LRRTM4: variants seen among roughly 807,000 people sequenced by gnomAD.
The protein encoded by LRRTM4 is leucine rich repeat transmembrane neuronal 4.
LRRTM4 carries 25 observed loss-of-function variants against 47.6 expected under a neutral mutation model. The ratio of observed to expected loss-of-function variants is 0.53; its 90% confidence interval spans 0.38 to 0.73. LRRTM4 has a LOEUF of 0.73. LRRTM4 is among the 30% of genes least tolerant of loss of function. The pLI, the probability that LRRTM4 is intolerant of heterozygous loss-of-function variation, is 0.00. For missense variants in LRRTM4, 638 were observed against 713.4 expected, an observed-to-expected ratio of 0.89 and a Z score of 1.20; for synonymous variants, 311 against 269.5, an observed-to-expected ratio of 1.15 and a Z score of -1.51.
At chr2:77,098,542 T>C (rs973549370) in intron 3 of LRRTM4, among the ~76,000 whole-genome samples, 4 of 152,022 alleles carry the variant, frequency 2.6e-5, no homozygotes, top group African/African-American at 9.7e-5. Flanking sequence ...AACTTTAAAA[T>C]TGGTAGGAAT....
rs1444105144 is a variant in LRRTM4 at position 76,771,658 on chromosome 2, GAA to G, written c.1552-22744_1552-22743del. ...GGTGAACAGAAAAAAAAAAAAAAAAGAAAAAGAAAAGAAGAACATCAGTTTAA... is the reference window on the plus strand; with the variant it reads ...GGTGAACAGAAAAAAAAAAAAAAAAGAAAGAAAAGAAGAACATCAGTTTAA... On this transcript the variant is annotated intron_variant, in intron 3 of 3. Transcript: ENST00000409884. Among the ~76,000 whole-genome samples, 30 of 67,558 alleles carry G rather than the reference GAA, an allele frequency of 4.4e-4. No homozygotes were observed. The East Asian group carries it at 0.019, about 43-fold the overall frequency. 44.3% of individuals were successfully genotyped at this position (67,558 alleles called of 152,430 possible).
At chr2:76,823,461 C>A (rs146424734) in intron 3 of LRRTM4, among the ~76,000 whole-genome samples, 1 of 151,290 alleles carries the variant, frequency 6.6e-6, no homozygotes, top group African/African-American at 2.4e-5. Flanking sequence ...TCTGAGTATA[C>A]AAGCAAAATT....
intron 3 of LRRTM4, among the ~76,000 whole-genome samples, chr2:77,416,335 T>C (rs1674633549): frequency 6.6e-6 from 1 of 152,088 alleles, no homozygotes; most frequent in Non-Finnish European, 1.5e-5. Flanking sequence ...TATTACACTT[T>C]GGGACATTTT....
intron 3 of LRRTM4, among the ~76,000 whole-genome samples, chr2:77,305,319 G>A (rs1677243220): frequency 6.6e-6 from 1 of 151,782 alleles, no homozygotes; most frequent in African/African-American, 2.4e-5. Context: ...AAATTAAATT[G>A]CAAATTGTTT....
chr2:77,054,601 GATT>G (rs1265462875), intron 3 of LRRTM4, among the ~76,000 whole-genome samples: 1 of 152,104 alleles, frequency 6.6e-6, no homozygotes, highest in African/African-American at 2.4e-5. Context: ...TCCCAAACTA[GATT>G]ATTTCTCATT....
chr2:77,048,352 G>C (rs549541519), intron 3 of LRRTM4, among the ~76,000 whole-genome samples: 1 of 152,120 alleles, frequency 6.6e-6, no homozygotes, highest in Non-Finnish European at 1.5e-5. Flanking sequence ...GTGTTATAAT[G>C]AAGTTTTAGC....
At chr2:77,045,644 C>G (rs1679208961) in intron 3 of LRRTM4, among the ~76,000 whole-genome samples, 2 of 151,934 alleles carry the variant, frequency 1.3e-5, no homozygotes, top group African/African-American at 2.4e-5. Context: ...TTTTCCTGCA[C>G]AAGCTCTCTC....
At chr2:77,063,877 T>C (rs77393486) in intron 3 of LRRTM4, among the ~76,000 whole-genome samples, 2,150 of 152,218 alleles carry the variant, frequency 0.014, 53 homozygotes, top group African/African-American at 0.049. Context: ...TTCTTGGACA[T>C]TGAGAATATT....
intron 3 of LRRTM4, among the ~76,000 whole-genome samples, chr2:77,066,167 G>A (rs957123914): frequency 5.3e-5 from 8 of 152,130 alleles, no homozygotes; most frequent in African/African-American, 1.9e-4. Context: ...CAGATACTGA[G>A]TTAGATTGCT....
intron 3 of LRRTM4, among the ~76,000 whole-genome samples, chr2:77,257,627 G>C (rs927848572): frequency 2.6e-5 from 4 of 151,808 alleles, no homozygotes; most frequent in African/African-American, 9.7e-5. Flanking sequence ...CTTGACAAGA[G>C]CAGGAAAAGA....
intron 3 of LRRTM4, among the ~76,000 whole-genome samples, chr2:77,289,345 G>A (rs1484940604): frequency 1.3e-5 from 2 of 151,960 alleles, no homozygotes; most frequent in African/African-American, 2.4e-5. Context: ...TTCTAAATCT[G>A]AGAGTACAGA....
intron 3 of LRRTM4, among the ~76,000 whole-genome samples, chr2:77,114,227 T>C (rs972833507): frequency 2.0e-5 from 3 of 152,164 alleles, no homozygotes; most frequent in South Asian, 4.1e-4. Flanking sequence ...CATAATTCCC[T>C]GTAGGGACCA....
intron 3 of LRRTM4, among the ~76,000 whole-genome samples, chr2:77,225,302 A>G (rs1674773078): frequency 7.2e-6 from 1 of 139,080 alleles, no homozygotes; most frequent in African/African-American, 3.3e-5. Context: ...AACATGGCAC[A>G]TGTATACATA....
intron 3 of LRRTM4, among the ~76,000 whole-genome samples, chr2:77,128,727 C>G (rs1671719536): frequency 6.6e-6 from 1 of 152,176 alleles, no homozygotes; most frequent in Admixed American, 6.5e-5. Flanking sequence ...GCTACCTCCG[C>G]CTCCCGGGTT....
chr2:77,015,727 T>C (rs1030250415), intron 3 of LRRTM4, among the ~76,000 whole-genome samples: 3 of 151,716 alleles, frequency 2.0e-5, no homozygotes, highest in Non-Finnish European at 4.4e-5. Context: ...ATGAAGTGGA[T>C]AGAAAAAAGG....
At chr2:76,987,481 C>T (rs1302129967) in intron 3 of LRRTM4, 5 of 151,908 alleles carry the variant, frequency 3.3e-5, no homozygotes, top group African/African-American at 1.2e-4. Flanking sequence ...CAATGGGGTA[C>T]AGAAAGAAGA....
At chr2:77,072,652 A>G (rs777241311) in intron 3 of LRRTM4, among the ~76,000 whole-genome samples, 1 of 152,092 alleles carries the variant, frequency 6.6e-6, no homozygotes, top group Non-Finnish European at 1.5e-5. Context: ...ACAGAAAATT[A>G]GCCAGGTGTG....
intron 3 of LRRTM4, among the ~76,000 whole-genome samples, chr2:76,796,713 A>G (rs1675346427): frequency 6.8e-6 from 1 of 147,682 alleles, no homozygotes; most frequent in Non-Finnish European, 1.5e-5. Context: ...GACAGGGAAA[A>G]AACAGAACAG....
At chr2:77,517,133 A>G (rs907878969) in intron 3 of LRRTM4, 2 of 985,106 alleles carry the variant, frequency 2.0e-6, no homozygotes, top group African/African-American at 3.5e-5. Flanking sequence ...TACCAAGAAA[A>G]GAACAATTTA....
Sources: allele counts gnomAD v4.1 joint callset (sites outside exome capture counted in the v4.1 genomes callset), GRCh38; gene constraint gnomAD v4.1.1; transcripts MANE v1.5; gene names NCBI Gene and HGNC (gene_info 2026-07-23, HGNC 2026-07-21).